Variants in SEMA6D observed in about 807,000 individuals in gnomAD.
SEMA6D encodes semaphorin 6D.
In SEMA6D, 35 loss-of-function variants were observed where a neutral mutation model predicts 106.6. The ratio of observed to expected loss-of-function variants is 0.33; its 90% confidence interval spans 0.25 to 0.44. SEMA6D has a LOEUF of 0.44. Ranked by LOEUF, SEMA6D falls within the 20% of genes least tolerant of loss-of-function variation. The probability of loss-of-function intolerance (pLI) is 1.00; values close to 1 mark genes in which losing one functional copy is unlikely to be tolerated. For missense variants in SEMA6D, 1,185 were observed against 1,345.9 expected, an observed-to-expected ratio of 0.88 and a Z score of 1.87; for synonymous variants, 499 against 487.7, an observed-to-expected ratio of 1.02 and a Z score of -0.31.
chr15:47,659,735 A>G (rs949756315), intron 4 of SEMA6D, among the ~76,000 whole-genome samples: 1 of 152,122 alleles, frequency 6.6e-6, no homozygotes, highest in Non-Finnish European at 1.5e-5. Context: ...AAAGGAAAGG[A>G]CTAAGGTCAT....
At chr15:47,370,677 T>C in intron 1 of SEMA6D, among the ~76,000 whole-genome samples, 2 of 117,718 alleles carry the variant, frequency 1.7e-5, no homozygotes, top group East Asian at 2.4e-4. Context: ...AAGCGCCGTC[T>C]CTACTTAAAA....
intron 2 of SEMA6D, among the ~76,000 whole-genome samples, chr15:47,433,282 T>C (rs1168550319): frequency 1.3e-5 from 2 of 152,028 alleles, no homozygotes; most frequent in Non-Finnish European, 2.9e-5. Context: ...GGAATACTAA[T>C]AAAAGGTTGT....
At chr15:47,721,172 G>A (rs1462627387) in intron 1 of SEMA6D, among the ~76,000 whole-genome samples, 5 of 152,322 alleles carry the variant, frequency 3.3e-5, no homozygotes, top group Non-Finnish European at 5.9e-5. Flanking sequence ...AATAAAGGAT[G>A]GGAAAACAGA....
chr15:47,278,950 T>C (rs1031417575), intron 1 of SEMA6D, among the ~76,000 whole-genome samples: 1 of 146,738 alleles, frequency 6.8e-6, no homozygotes, highest in Non-Finnish European at 1.5e-5. Flanking sequence ...TTCTGAGGGC[T>C]CTGTTCTGTT....
intron 1 of SEMA6D, chr15:47,397,439 A>G (rs1360849912): frequency 6.6e-6 from 1 of 152,192 alleles, no homozygotes; most frequent in Non-Finnish European, 1.5e-5. Flanking sequence ...ATCAATGAAC[A>G]AAGAATCTTA....
At chr15:47,287,239 C>A (rs2035407326) in intron 1 of SEMA6D, among the ~76,000 whole-genome samples, 1 of 152,132 alleles carries the variant, frequency 6.6e-6, no homozygotes, top group African/African-American at 2.4e-5. Flanking sequence ...AAGAGCTCCC[C>A]AACCTGCACT....
chr15:47,207,993 G>GCGCGCGCACACACACACACACA, intron 1 of SEMA6D, among the ~76,000 whole-genome samples: 1 of 89,456 alleles, frequency 1.1e-5, no homozygotes, highest in African/African-American at 4.1e-5. Context: ...TGGCGCGCGC[G>GCGCGCGCACACACACACACACA]CACACACACA....
In SEMA6D at chr15:47,357,062, C is replaced by A. The variant is rs187531467; in HGVS notation, c.-238-55331C>A. 2.2e-4 allele frequency among the ~76,000 whole-genome samples: 33 copies of A among 151,536 alleles called. No homozygotes were observed. In the East Asian group the frequency reaches 5.3e-3, roughly 24 times the overall value. ...TAAAATGGGGCTGTGCGGCTGGATGCGGTGGCTCTCGTCTGTAATCCCAGC... is the reference window on the plus strand; with the variant it reads ...TAAAATGGGGCTGTGCGGCTGGATGAGGTGGCTCTCGTCTGTAATCCCAGC... On this transcript the variant is annotated intron_variant, in intron 1 of 19. Transcript: ENST00000558014.
At chr15:47,315,366 G>C (rs2036623640) in intron 1 of SEMA6D, among the ~76,000 whole-genome samples, 1 of 152,166 alleles carries the variant, frequency 6.6e-6, no homozygotes, top group South Asian at 2.1e-4. Context: ...TTGCTCCACT[G>C]TATTGCCTTT....
intron 3 of SEMA6D, among the ~76,000 whole-genome samples, chr15:47,483,653 C>T (rs1039202897): frequency 3.3e-5 from 5 of 152,022 alleles, no homozygotes; most frequent in Admixed American, 2.0e-4. Flanking sequence ...AAGGTTTAAA[C>T]CTACTCTCTG....
intron 4 of SEMA6D, among the ~76,000 whole-genome samples, chr15:47,618,514 G>A (rs987624131): frequency 7.9e-5 from 12 of 152,198 alleles, no homozygotes; most frequent in Admixed American, 1.3e-4. Flanking sequence ...CACTTCAGCC[G>A]ATCAATGTGG....
At chr15:47,477,187 AGAT>A (rs1359711606) in intron 3 of SEMA6D, among the ~76,000 whole-genome samples, 1 of 152,186 alleles carries the variant, frequency 6.6e-6, no homozygotes, top group Non-Finnish European at 1.5e-5. Flanking sequence ...TCCTCTGACA[AGAT>A]GAGTGTTTTT....
intron 1 of SEMA6D, among the ~76,000 whole-genome samples, chr15:47,753,377 A>C (rs1388529613): frequency 6.6e-6 from 1 of 152,190 alleles, no homozygotes; most frequent in Non-Finnish European, 1.5e-5. Flanking sequence ...TGAGTGGCAG[A>C]GTTCATCCAA....
At chr15:47,357,789 A>G (rs370943881) in intron 1 of SEMA6D, among the ~76,000 whole-genome samples, 5 of 152,130 alleles carry the variant, frequency 3.3e-5, no homozygotes, top group South Asian at 4.1e-4. Context: ...GCATCCTTCA[A>G]TCCAACCAAG....
intron 4 of SEMA6D, among the ~76,000 whole-genome samples, chr15:47,667,578 GA>G (rs2078052133): frequency 6.6e-6 from 1 of 152,194 alleles, no homozygotes; most frequent in Admixed American, 6.5e-5. Context: ...ATAAACAATA[GA>G]AATTTATTTC....
Position 47,761,048 on chromosome 15 carries a change from TGTAGTTGGCAAA to T in SEMA6D, c.282+11_282+22del. ...AGTAATACCCAACAAGGTGAGCAAC[TGTAGTTGGCAAA>T]TTTATTTACCTTCCCTCTGAACCTG... On this transcript the variant is annotated intron_variant, in intron 4 of 18. Coordinates refer to ENST00000536845, the MANE Select transcript of SEMA6D (RefSeq NM_001358351.3). 1 of 1,613,130 alleles carries T rather than the reference TGTAGTTGGCAAA, an allele frequency of 6.2e-7. No homozygotes were observed. The highest frequency in any genetic ancestry group is 8.5e-7 in the Non-Finnish European group (1 of 1,179,482).
At chr15:47,304,101 T>G (rs2142998437) in intron 1 of SEMA6D, among the ~76,000 whole-genome samples, 1 of 152,268 alleles carries the variant, frequency 6.6e-6, no homozygotes, top group East Asian at 1.9e-4. Context: ...CATACATTTT[T>G]TCTCCAGAAA....
rs576369461 is a variant in SEMA6D at position 47,330,081 on chromosome 15, C to T, written c.-238-82312C>T. ...GTATATTTACCTCCTCTCTCTCCCA[C>T]CTGGGGATCCATCTCTCACATAAAA... On this transcript the variant is annotated intron_variant, in intron 1 of 19. Transcript: ENST00000558014. Among the ~76,000 whole-genome samples the T allele has an allele frequency of 2.0e-5, 3 of 152,314 alleles. No individual in the cohort carries two copies. In the East Asian group the frequency reaches 5.8e-4, roughly 29 times the overall value.
chr15:47,603,714 TC>T (rs2076713788), intron 4 of SEMA6D, among the ~76,000 whole-genome samples: 1 of 151,992 alleles, frequency 6.6e-6, no homozygotes, highest in African/African-American at 2.4e-5. Flanking sequence ...TCTTATTAAG[TC>T]CCCTCCCCCT....
Sources: gnomAD v4.1 joint callset for allele counts (sites outside exome capture counted in the v4.1 genomes callset) on GRCh38, gnomAD v4.1.1 for gene constraint, MANE v1.5 for transcripts, NCBI Gene and HGNC (gene_info 2026-07-23, HGNC 2026-07-21) for gene names.